The following ACIN1 variants were observed in gnomAD, a reference collection of about 807,000 sequenced individuals.
ACIN1 encodes the protein apoptotic chromatin condensation inducer in the nucleus.
Under a neutral mutation model 146.6 loss-of-function variants are expected in ACIN1, and 16 were observed. That is an observed-to-expected ratio of 0.11 (90% CI 0.07 to 0.17). The LOEUF is 0.17. Among genes scored for constraint, ACIN1 ranks in the 10% least tolerant of loss-of-function variants. The pLI is 1.00. For missense variants in ACIN1, 1,357 were observed against 1,609.3 expected (o/e 0.84, Z 2.68); for synonymous variants, 569 against 582.7 (o/e 0.98, Z 0.34).
chr14:23,061,770 G>A lies in ACIN1; in HGVS notation c.3100-148C>T, dbSNP rs1021418078. 1.0e-4 allele frequency: 70 copies of A among 685,168 alleles called. 1 individual carries two copies. The East Asian group carries it at 1.9e-3, about 18-fold the overall frequency. The allele number at this position is 685,168 out of a possible 1,614,324, so 42.4% of individuals were successfully genotyped here. ...GGTCAGATCACGAGGTCAGGAGACC[G>A]AGACCATCCTGGCTGACACGGTGAA... On this transcript the variant is annotated intron_variant, in intron 16 of 18. Transcript: ENST00000605057.
At position 23,080,352 on chromosome 14, in the gene ACIN1, G is replaced by A. The variant is rs145311319; in HGVS notation, c.983C>T (p.Ser328Phe). The A allele has an allele frequency of 3.1e-6, 5 of 1,614,078 alleles. No individual in the cohort carries two copies. The highest frequency in any genetic ancestry group is 4.2e-6 in the Non-Finnish European group (5 of 1,180,038). ...SSQGLKEKSK[S>F]PSPPRLTEDR... ...TTCAGTCAGTCGAGGAGGGGAAGGA[G>A]ACTTCGATTTTTCCTTTAAGCCTTG... The change falls in exon 6 of 19, where the codon TCT (serine) becomes TTT (phenylalanine). Residue 328 changes from serine to phenylalanine, a missense_variant. By Grantham distance (155) the Ser-to-Phe change is radical. This residue lies in a region of ACIN1 where 771 missense variants were observed against 746.6 expected (regional missense o/e 1.03). Coordinates refer to ENST00000605057, the MANE Select transcript of ACIN1 (RefSeq NM_001386863.1).
Position 23,078,996 on chromosome 14 carries a change from T to A in ACIN1, c.1831A>T (p.Thr611Ser). Reference sequence around the variant, plus strand: ...CCAGAAGAGGGATCTTTGGTTTCAGTATAGCTGGTGCTGCTGTCCCTGGAG... The same window carrying A: ...CCAGAAGAGGGATCTTTGGTTTCAGAATAGCTGGTGCTGCTGTCCCTGGAG... Reference protein sequence around the residue: ...GVSRDSSTSYTETKDPSSGQE... With the variant: ...GVSRDSSTSYSETKDPSSGQE... The change falls in exon 7 of 19, where the codon ACT becomes TCT. Residue 611 changes from threonine (T) to serine (S), a missense_variant. Physicochemically the swap from Thr to Ser is moderately conservative, Grantham distance 58. Transcript: ENST00000605057. 1.2e-6 allele frequency: 2 copies of A among 1,614,204 alleles called. No individual in the cohort carries two copies. Among genetic ancestry groups the A allele is most frequent in the South Asian group, 2.2e-5 (2 of 91,078 alleles).
Position 23,067,190 on chromosome 14 carries a change from A to AT in ACIN1, c.2266-1183dup. On this transcript the variant is annotated intron_variant, in intron 9 of 18. Coordinates refer to ENST00000605057, the MANE Select transcript of ACIN1 (RefSeq NM_001386863.1). This position sits in a 1 kb window ranked among gnomAD's most constrained non-coding sequence, Gnocchi z 4.6. ...GGAAAAACATGAACCAAATAAATAAATAAAAGAAATCAGAAAAAATAAAGA... is the reference window on the plus strand; with the variant it reads ...GGAAAAACATGAACCAAATAAATAAATTAAAAGAAATCAGAAAAAATAAAGA... 1.4e-6 allele frequency: 1 copy of AT among 694,614 alleles called. No homozygotes were observed. The highest frequency in any genetic ancestry group is 6.5e-5 in the South Asian group (1 of 15,370). 43.0% of individuals were successfully genotyped at this position (694,614 alleles called of 1,614,324 possible). A position where few individuals can be genotyped will look rare whatever the true frequency, so the allele number is the denominator to read the frequency against.
At chr14:23,065,938 T>G in intron 10 of ACIN1, 28 bp downstream of exon 10, 1 of 1,606,072 alleles carries the variant, frequency 6.2e-7, no homozygotes, top group East Asian at 2.2e-5. Context: ...ATTCCTGACT[T>G]TTATCAGGGA....
chr14:23,085,431 CCTA>C (rs1433051932), intron 4 of ACIN1, among the ~76,000 whole-genome samples: 10 of 152,188 alleles, frequency 6.6e-5, no homozygotes, highest in Admixed American at 6.5e-4. Flanking sequence ...TCTTTATCTA[CCTA>C]CTGTGAATTA....
At chr14:23,061,664 A>C (rs928889924) in intron 16 of ACIN1, 42 bp from the exon 17 acceptor site, 2 of 1,468,790 alleles carry the variant, frequency 1.4e-6, no homozygotes, top group Non-Finnish European at 1.8e-6. Context: ...GATAGAGGTG[A>C]TATCACTCCC....
At chr14:23,061,041 C>G in intron 18 of ACIN1, 43 bp downstream of exon 18, 1 of 1,581,634 alleles carries the variant, frequency 6.3e-7, no homozygotes. Context: ...TGACCTCAAG[C>G]CTCAGTGCCA....
In ACIN1 at chr14:23,061,120, A is replaced by C; in HGVS notation, c.3489T>G (p.Ala1163=). 6.2e-7 allele frequency: 1 copy of C among 1,614,126 alleles called. No individual in the cohort carries two copies. Among genetic ancestry groups the C allele is most frequent in the Non-Finnish European group, 8.5e-7 (1 of 1,180,032 alleles). ...LDDLFRKTKA[A]PCIYWLPLTD... is the part of the protein sequence containing the mutation. ...TCAGTGGGAGCCAATAGATGCAGGG[A>C]GCTGCCTTGGTCTTTCGGAAAAGGT... is the stretch of plus-strand genomic sequence containing the variant. Residue 1163 remains alanine (A), a synonymous_variant, in exon 18 of 19, where the codon GCT becomes GCG. Coordinates refer to ENST00000605057, the MANE Select transcript of ACIN1 (RefSeq NM_001386863.1).
rs184085016 is a variant in ACIN1, at chr14:23,063,431, C to T, written c.2737+5G>A. The T allele has an allele frequency of 7.7e-5, 124 of 1,613,720 alleles. No individual in the cohort carries two copies. In the African/African-American group the frequency reaches 1.5e-3, roughly 19 times the overall value. On this transcript the variant is annotated splice_donor_5th_base_variant and intron_variant, in intron 13 of 18. Transcript: ENST00000605057. ...ATTACATTTCTCTCACAATATGTCACTCACCTTTCTTTACTTCATGCTCTG... is the reference window on the plus strand; with the variant it reads ...ATTACATTTCTCTCACAATATGTCATTCACCTTTCTTTACTTCATGCTCTG...
At position 23,095,080 on chromosome 14, in the gene ACIN1, C is replaced by T. The variant is rs771413272; in HGVS notation, c.33G>A (p.Gly11=). The T allele has an allele frequency of 1.2e-6, 2 of 1,614,204 alleles. No homozygotes were observed. Among genetic ancestry groups the T allele is most frequent in the African/African-American group, 1.3e-5 (1 of 75,074 alleles). The change falls in exon 1 of 19, where the codon GGG becomes GGA. Residue 11 remains glycine (G), a synonymous_variant. Coordinates refer to ENST00000605057, the MANE Select transcript of ACIN1 (RefSeq NM_001386863.1). ...TCACCCGCAGCGCCTGAAGAGGCTT[C>T]CCGTCCAGAGTCACCTCCTCCAGCT... The part of the protein sequence containing the change: MAELEEVTLD[G]KPLQALRVTD...
At chr14:23,071,139 TG>T in intron 8 of ACIN1, 1 of 1,551,776 alleles carries the variant, frequency 6.4e-7, no homozygotes, top group South Asian at 1.2e-5. Flanking sequence ...CTTTGCTTTC[TG>T]ATAACATGAT....
chr14:23,080,684 C>T lies in ACIN1; in HGVS notation c.651G>A (p.Glu217=), dbSNP rs764473046. The T allele has an allele frequency of 3.3e-5, 54 of 1,613,774 alleles. No individual in the cohort carries two copies. Among genetic ancestry groups the T allele is most frequent in the Non-Finnish European group, 4.1e-5 (48 of 1,179,962 alleles). ...RNLKTEEEEE[E]EEEEEEDDEE... ...CATCATCTTCTTCCTCCTCCTCCTC[C>T]TCCTCTTCTTCCTCCTCTGTTTTCA... The change falls in exon 6 of 19, where the codon GAG becomes GAA. Residue 217 remains glutamate (E), a synonymous_variant. Transcript: ENST00000605057.
At position 23,080,161 on chromosome 14, in the gene ACIN1, T is replaced by G. The variant is rs2047905274; in HGVS notation, c.1174A>C (p.Ile392Leu). The G allele has an allele frequency of 1.2e-6, 2 of 1,614,146 alleles. No homozygotes were observed. Among genetic ancestry groups the G allele is most frequent in the African/African-American group, 1.3e-5 (1 of 75,034 alleles). Residue 392 changes from isoleucine (I) to leucine (L), a missense_variant, in exon 6 of 19, where the codon ATT (isoleucine) becomes CTT (leucine). Around this residue, in one of 4 missense-constraint regions of ACIN1, gnomAD observed 771 missense variants for 746.6 expected, o/e 1.03. Coordinates refer to ENST00000605057, the MANE Select transcript of ACIN1 (RefSeq NM_001386863.1). ...TCTGTATTAGGAGGAGATAACTGAA[T>G]GAGGACAGCGGGGGCTGGGCCTTCC... ...PMEGPAPAVL[I>L]QLSPPNTDAD...
At chr14:23,087,204 AT>A (rs2048110727) in intron 4 of ACIN1, among the ~76,000 whole-genome samples, 1 of 152,206 alleles carries the variant, frequency 6.6e-6, no homozygotes, top group Non-Finnish European at 1.5e-5. Flanking sequence ...GAAGAATCTG[AT>A]TTCTGGACAA....
intron 11 of ACIN1, 31 bp from the exon 12 acceptor site, chr14:23,064,288 A>G: frequency 6.2e-7 from 1 of 1,613,900 alleles, no homozygotes; most frequent in Non-Finnish European, 8.5e-7. Flanking sequence ...ACCCCGTTAC[A>G]CTGGGCCCAT....
chr14:23,066,117 T>C, intron 9 of ACIN1, 109 bp from the exon 10 acceptor site: 2 of 817,800 alleles, frequency 2.4e-6, no homozygotes, highest in Non-Finnish European at 4.0e-6. Flanking sequence ...AAGACACAGA[T>C]AGAGTGAGAG....
At position 23,068,918 on chromosome 14, in the gene ACIN1, C is replaced by T; in HGVS notation, c.2265+558G>A. On this transcript the variant is annotated intron_variant, in intron 9 of 18. Coordinates refer to ENST00000605057, the MANE Select transcript of ACIN1 (RefSeq NM_001386863.1). This position sits in a 1 kb window ranked among gnomAD's most constrained non-coding sequence, Gnocchi z 4.3. ...GAAGTGGGTGCAGGACACAAGATAACATATGCCAAAAAAGGAGGTAGAGGG... is the reference window on the plus strand; with the variant it reads ...GAAGTGGGTGCAGGACACAAGATAATATATGCCAAAAAAGGAGGTAGAGGG... 1 of 985,442 alleles carries T rather than the reference C, an allele frequency of 1.0e-6. No homozygotes were observed. The highest frequency in any genetic ancestry group is 1.2e-6 in the Non-Finnish European group (1 of 829,970). 61.0% of individuals were successfully genotyped at this position (985,442 alleles called of 1,614,324 possible). A position where few individuals can be genotyped will look rare whatever the true frequency, so the allele number is the denominator to read the frequency against.
chr14:23,084,523 T>C (rs773548218), intron 4 of ACIN1, among the ~76,000 whole-genome samples: 2 of 150,860 alleles, frequency 1.3e-5, no homozygotes, highest in African/African-American at 2.5e-5. Flanking sequence ...GGCAGAAGAA[T>C]CGCTTGAACC....
chr14:23,062,278 G>A lies in ACIN1; in HGVS notation c.2992-3C>T, dbSNP rs563330418. ...ACAGCTTCCTCTACTGTTGAGTACT[G>A]GTGGAGGAAGGGAGAAGATGGAGGG... On this transcript the variant is annotated splice_region_variant and splice_polypyrimidine_tract_variant and intron_variant, in intron 15 of 18. Coordinates refer to ENST00000605057, the MANE Select transcript of ACIN1 (RefSeq NM_001386863.1). 1.4e-5 allele frequency: 22 copies of A among 1,611,864 alleles called. No individual in the cohort carries two copies. The highest frequency in any genetic ancestry group is 1.9e-5 in the Non-Finnish European group (22 of 1,178,162).
Sources: gnomAD v4.1 joint callset for allele counts (sites outside exome capture counted in the v4.1 genomes callset) on GRCh38, gnomAD v4.1.1 for gene constraint, gnomAD v4.1.1 regional missense constraint, Gnocchi (gnomAD v3.1) non-coding constraint, MANE v1.5 for transcripts, NCBI Gene and HGNC (gene_info 2026-07-23, HGNC 2026-07-21) for gene names.